Variants in HS6ST2 observed in about 807,000 individuals in gnomAD.
The protein encoded by HS6ST2 is heparan-sulfate 6-O-sulfotransferase 2.
HS6ST2 carries 17 observed loss-of-function variants against 33.0 expected under a neutral mutation model. The observed-to-expected ratio is 0.52, with a 90% CI of 0.35 to 0.77. HS6ST2 has a LOEUF of 0.77. Ranked by LOEUF, HS6ST2 falls within the 30% of genes least tolerant of loss-of-function variation. The pLI is 0.01. For missense variants in HS6ST2, 519 were observed against 551.7 expected (o/e 0.94, Z 0.59); for synonymous variants, 248 against 237.1 (o/e 1.05, Z -0.42).
rs141608410 is a variant in HS6ST2 at position 132,746,496 on chromosome X, C to CA, written c.948-38003dup. Among the ~76,000 whole-genome samples, 208 of 104,142 alleles carry CA rather than the reference C, an allele frequency of 2.0e-3. 1 individual carries two copies. Among genetic ancestry groups the CA allele is most frequent in the Non-Finnish European group, 3.2e-3 (160 of 50,583 alleles). The allele number at this position is 104,142 out of a possible 115,157, so 90.4% of individuals were successfully genotyped here. ...CCAGCAACAGAGCGAGACTCCGTCT[C>CA]AAAAAAAAAAGGTAAGGGCAAAAAC... On this transcript the variant is annotated intron_variant, in intron 2 of 4. Transcript: ENST00000370833.
rs765894460 is a variant in HS6ST2 at position 132,699,796 on chromosome X, C to T, written c.980+8666G>A. Among the ~76,000 whole-genome samples, 65 of 111,904 alleles carry T rather than the reference C, an allele frequency of 5.8e-4. 1 individual carries two copies. Among genetic ancestry groups the T allele is most frequent in the African/African-American group, 2.0e-3 (63 of 30,847 alleles). Reference sequence around the variant, plus strand: ...CCATTTCTTCCCTGTAGCTTTTATTCCTTTTCATGCAAACAAGCAGCAGTG... The same window carrying T: ...CCATTTCTTCCCTGTAGCTTTTATTTCTTTTCATGCAAACAAGCAGCAGTG... On this transcript the variant is annotated intron_variant, in intron 3 of 4. Transcript: ENST00000370833.
chrX:132,650,044 T>C (rs1029773056), intron 4 of HS6ST2, among the ~76,000 whole-genome samples: 9 of 111,355 alleles, frequency 8.1e-5, no homozygotes, highest in African/African-American at 2.9e-4. Flanking sequence ...GCCAGCTCAG[T>C]CCATGGGAAG....
chrX:132,919,190 A>G (rs762490243), intron 2 of HS6ST2, among the ~76,000 whole-genome samples: 1 of 112,423 alleles, frequency 8.9e-6, no homozygotes, highest in African/African-American at 3.2e-5. Flanking sequence ...AACTGTCACT[A>G]TGAAAAGACT....
At chrX:132,792,617 C>T (rs2065127665) in intron 2 of HS6ST2, among the ~76,000 whole-genome samples, 1 of 111,659 alleles carries the variant, frequency 9.0e-6, no homozygotes, top group African/African-American at 3.3e-5. Context: ...TTTTTAACAC[C>T]TCAAATAGAA....
chrX:132,684,533 A>G (rs1236755796), intron 3 of HS6ST2, among the ~76,000 whole-genome samples: 1 of 110,115 alleles, frequency 9.1e-6, no homozygotes, highest in Non-Finnish European at 1.9e-5. Context: ...GTGAAAAACC[A>G]GGAGGCATGA....
chrX:132,863,744 A>C (rs2065937161), intron 2 of HS6ST2, among the ~76,000 whole-genome samples: 1 of 111,758 alleles, frequency 8.9e-6, no homozygotes, highest in South Asian at 3.8e-4. Flanking sequence ...GTTTCTACCC[A>C]AGAGACTCTA....
chrX:132,672,136 C>T (rs751046724), intron 3 of HS6ST2, among the ~76,000 whole-genome samples: 7 of 111,400 alleles, frequency 6.3e-5, no homozygotes, highest in African/African-American at 2.0e-4. Flanking sequence ...GAAAATACTG[C>T]AGCTGCAGAC....
intron 2 of HS6ST2, among the ~76,000 whole-genome samples, chrX:132,836,116 C>T (rs1432417752): frequency 9.0e-6 from 1 of 111,132 alleles, no homozygotes; most frequent in African/African-American, 3.3e-5. Flanking sequence ...GCTCCAGAGT[C>T]CCCTATGTGG....
At chrX:132,840,956 T>C (rs1410440444) in intron 2 of HS6ST2, among the ~76,000 whole-genome samples, 7 of 112,399 alleles carry the variant, frequency 6.2e-5, no homozygotes, top group African/African-American at 2.3e-4. Context: ...TGGAAAGCAG[T>C]AGGCTTACAG....
intron 3 of HS6ST2, among the ~76,000 whole-genome samples, chrX:132,703,890 A>C (rs1314085904): frequency 1.8e-5 from 2 of 112,048 alleles, no homozygotes; most frequent in Non-Finnish European, 3.8e-5. Flanking sequence ...CATGTTGCAG[A>C]TATTTCTAAA....
At chrX:132,958,653 T>C, upstream of HS6ST2, 1 of 1,056,021 alleles carries the variant, frequency 9.5e-7, no homozygotes, top group Non-Finnish European at 1.3e-6. Context: ...GAGCTTGAAT[T>C]TATATAATAA....
In HS6ST2 at chrX:132,628,703, T is replaced by A; in HGVS notation, c.1458A>T (p.Lys486Asn). The change falls in exon 5 of 5, where the codon AAA (lysine) becomes AAT (asparagine). Residue 486 changes from lysine to asparagine, a missense_variant. Transcript: ENST00000370833. ...GCGAAATAAAGTTCATGTTGAAGGT[T>A]TTCTCAAACAGATATTGGGTCTTCC... ...FQRKTQYLFE[K>N]TFNMNFISPF... is the part of the protein sequence containing the mutation. 2 of 1,211,254 alleles carry A rather than the reference T, an allele frequency of 1.7e-6. No individual in the cohort carries two copies. Among genetic ancestry groups the A allele is most frequent in the Non-Finnish European group, 2.2e-6 (2 of 895,305 alleles).
At chrX:132,950,067 C>A (rs1304221835) in intron 2 of HS6ST2, among the ~76,000 whole-genome samples, 1 of 111,503 alleles carries the variant, frequency 9.0e-6, no homozygotes, top group Non-Finnish European at 1.9e-5. Context: ...AGATTGTTTC[C>A]AATTTGTTGC....
chrX:132,830,370 A>C (rs1482300990), intron 2 of HS6ST2, among the ~76,000 whole-genome samples: 1 of 111,630 alleles, frequency 9.0e-6, no homozygotes, highest in Non-Finnish European at 1.9e-5. Flanking sequence ...CAGGTCACCC[A>C]GTGCCTAAAA....
At chrX:132,783,871 C>A (rs745549353) in intron 2 of HS6ST2, among the ~76,000 whole-genome samples, 3 of 111,498 alleles carry the variant, frequency 2.7e-5, no homozygotes, top group African/African-American at 9.8e-5. Flanking sequence ...CTTTTGCACA[C>A]TGGGAGAGTC....
At chrX:132,945,363 T>G (rs1325671733) in intron 2 of HS6ST2, among the ~76,000 whole-genome samples, 1 of 111,756 alleles carries the variant, frequency 8.9e-6, no homozygotes, top group Non-Finnish European at 1.9e-5. Context: ...CAACAGGTGC[T>G]GGAGAGGATG....
intron 3 of HS6ST2, among the ~76,000 whole-genome samples, chrX:132,678,636 C>T (rs149536690): frequency 0.012 from 1,355 of 112,361 alleles, 11 homozygotes; most frequent in Non-Finnish European, 0.02. Flanking sequence ...AGTAGGGTCT[C>T]CTTTGCAAAT....
intron 2 of HS6ST2, among the ~76,000 whole-genome samples, chrX:132,779,518 T>G (rs940139265): frequency 2.7e-5 from 3 of 110,895 alleles, no homozygotes; most frequent in Non-Finnish European, 3.8e-5. Context: ...TTTTAGCTCA[T>G]TAAGACATGA....
chrX:132,795,069 T>C (rs1473906505), intron 2 of HS6ST2, among the ~76,000 whole-genome samples: 1 of 110,783 alleles, frequency 9.0e-6, no homozygotes, highest in Non-Finnish European at 1.9e-5. Context: ...CTGGGAGACA[T>C]AGAAATCTGT....
Sources: allele counts gnomAD v4.1 joint callset (sites outside exome capture counted in the v4.1 genomes callset), GRCh38; gene constraint gnomAD v4.1.1; transcripts MANE v1.5; gene names NCBI Gene and HGNC (gene_info 2026-07-23, HGNC 2026-07-21).